CD33: variants seen among roughly 807,000 people sequenced by gnomAD.
CD33 encodes myeloid cell surface antigen CD33.
In CD33, 25 loss-of-function variants were observed where a neutral mutation model predicts 31.4. That is an observed-to-expected ratio of 0.80 (90% CI 0.58 to 1.11). The LOEUF is 1.11. CD33 is among the 50% of genes most tolerant of loss of function. CD33 has a pLI of 0.00. For synonymous variants in CD33, 176 were observed against 180.6 expected (o/e 0.97, Z 0.20); for missense variants, 407 against 448.1 (o/e 0.91, Z 0.83).
upstream of CD33, among the ~76,000 whole-genome samples, chr19:51,224,534 T>G (rs527550623): frequency 1.6e-3 from 239 of 152,314 alleles, no homozygotes; most frequent in Middle Eastern, 0.014. Flanking sequence ...AAAGAGGCAG[T>G]GTTTCTCCGA....
At chr19:51,228,809 C>G (rs1981214158) in intron 4 of CD33, among the ~76,000 whole-genome samples, 2 of 152,180 alleles carry the variant, frequency 1.3e-5, no homozygotes, top group Admixed American at 6.5e-5. Context: ...CATGAGCCAC[C>G]ACGCCTGGCC....
upstream of CD33, among the ~76,000 whole-genome samples, chr19:51,224,416 C>A (rs1980841326): frequency 6.6e-6 from 1 of 152,138 alleles, no homozygotes; most frequent in South Asian, 2.1e-4. Flanking sequence ...TCCCTCTGTG[C>A]CCGAGCTGTC....
intron 4 of CD33, among the ~76,000 whole-genome samples, chr19:51,233,995 G>A (rs931723847): frequency 1.3e-5 from 2 of 152,222 alleles, no homozygotes; most frequent in African/African-American, 4.8e-5. Context: ...GGGAGGATGA[G>A]CTCCAGGCAC....
chr19:51,227,475 G>A (rs542639215), intron 4 of CD33, among the ~76,000 whole-genome samples: 4 of 152,218 alleles, frequency 2.6e-5, no homozygotes, highest in East Asian at 1.9e-4. Flanking sequence ...GATTGGTGAC[G>A]TTGAGCATTT....
the CD33 span, among the ~76,000 whole-genome samples, chr19:51,217,307 G>T: frequency 6.6e-6 from 1 of 152,196 alleles, no homozygotes; most frequent in Non-Finnish European, 1.5e-5. Flanking sequence ...TATAGTCATT[G>T]AGGGGAAGGG....
At chr19:51,218,338 C>A in the CD33 span, among the ~76,000 whole-genome samples, 1 of 152,070 alleles carries the variant, frequency 6.6e-6, no homozygotes, top group Non-Finnish European at 1.5e-5. Context: ...TTGAAAACTG[C>A]CTATTCATGT....
At chr19:51,218,899 C>A in the CD33 span, among the ~76,000 whole-genome samples, 1 of 152,088 alleles carries the variant, frequency 6.6e-6, no homozygotes, top group African/African-American at 2.4e-5. Flanking sequence ...ATTTTTATAC[C>A]AGTACCATGC....
chr19:51,237,683 A>C (rs1241592883), intron 6 of CD33: 1 of 152,260 alleles, frequency 6.6e-6, no homozygotes, highest in Non-Finnish European at 1.5e-5. Flanking sequence ...GGTAGGTAGG[A>C]AATGAGGTTG....
upstream of CD33, among the ~76,000 whole-genome samples, chr19:51,220,522 A>G (rs749857086): frequency 2.0e-5 from 3 of 152,164 alleles, no homozygotes; most frequent in Admixed American, 6.5e-5. Flanking sequence ...CCTTCTGTGT[A>G]TATCACATCT....
the CD33 span, among the ~76,000 whole-genome samples, chr19:51,216,461 G>A: frequency 6.6e-6 from 1 of 152,124 alleles, no homozygotes; most frequent in African/African-American, 2.4e-5. Flanking sequence ...TGTAATCCCA[G>A]CACTTTGGGA....
Position 51,239,609 on chromosome 19 carries a change from A to G in CD33, c.1016A>G (p.His339Arg), listed in dbSNP as rs374286140. 34 of 1,613,762 alleles carry G rather than the reference A, an allele frequency of 2.1e-5. 1 individual carries two copies. Among genetic ancestry groups the G allele is most frequent in the South Asian group, 1.4e-4 (13 of 91,026 alleles). The part of the protein sequence containing the change: ...APTVEMDEEL[H>R]YASLNFHGMN... ...ACTGTGGAGATGGATGAGGAGCTGC[A>G]TTATGCTTCCCTCAACTTTCATGGG... is the stretch of plus-strand genomic sequence containing the variant. The change falls in exon 7 of 7, where the codon CAT becomes CGT. Residue 339 changes from histidine to arginine, a missense_variant. By Grantham distance (29) the His-to-Arg change is conservative. Transcript: ENST00000262262.
intron 4 of CD33, among the ~76,000 whole-genome samples, chr19:51,226,705 A>G (rs2123201950): frequency 6.6e-6 from 1 of 152,256 alleles, no homozygotes; most frequent in Middle Eastern, 3.4e-3. Flanking sequence ...TTGAACATTT[A>G]TTATTTCATT....
rs768235447 is a variant in CD33, at chr19:51,235,154, C to T, written c.746-3C>T. 8.7e-6 allele frequency: 14 copies of T among 1,612,216 alleles called. No homozygotes were observed. In the African/African-American group the frequency reaches 1.7e-4, roughly 20 times the overall value. ...ATTCACCCCAAATCTTTTTTGTCTG[C>T]AGGGAAACAAGAGACCAGAGCAGGA... is the stretch of plus-strand genomic sequence containing the variant. On this transcript the variant is annotated splice_region_variant and splice_polypyrimidine_tract_variant and intron_variant, in intron 4 of 6. Coordinates refer to ENST00000262262, the MANE Select transcript of CD33 (RefSeq NM_001772.4).
chr19:51,235,649 C>A lies in CD33; in HGVS notation c.897C>A (p.Thr299=). 1 of 1,613,854 alleles carries A rather than the reference C, an allele frequency of 6.2e-7. No individual in the cohort carries two copies. Among genetic ancestry groups the A allele is most frequent in the South Asian group, 1.1e-5 (1 of 90,994 alleles). Residue 299 remains threonine (T), a synonymous_variant, in exon 6 of 7, where the codon ACC becomes ACA. Coordinates refer to ENST00000262262, the MANE Select transcript of CD33 (RefSeq NM_001772.4). The part of the protein sequence containing the change: ...AARTAVGRND[T]HPTTGSASPK... ...GGACAGCAGTGGGCAGGAATGACACCCACCCTACCACAGGGTCAGCCTCCC... is the reference window on the plus strand; with the variant it reads ...GGACAGCAGTGGGCAGGAATGACACACACCCTACCACAGGGTCAGCCTCCC...
the CD33 span, among the ~76,000 whole-genome samples, chr19:51,218,644 T>C: frequency 6.6e-6 from 1 of 152,236 alleles, no homozygotes; most frequent in African/African-American, 2.4e-5. Flanking sequence ...TCTTCAGTAT[T>C]TCTATAGTTT....
chr19:51,239,618 C>T lies in CD33; in HGVS notation c.1025C>T (p.Ser342Phe), dbSNP rs2123338653. Reference sequence around the variant, plus strand: ...ATGGATGAGGAGCTGCATTATGCTTCCCTCAACTTTCATGGGATGAATCCT... The same window carrying T: ...ATGGATGAGGAGCTGCATTATGCTTTCCTCAACTTTCATGGGATGAATCCT... ...VEMDEELHYA[S>F]LNFHGMNPSK... is the part of the protein sequence containing the mutation. The change falls in exon 7 of 7, where the codon TCC becomes TTC. Residue 342 changes from serine (S) to phenylalanine (F), a missense_variant. Physicochemically the swap from Ser to Phe is radical, Grantham distance 155. Transcript: ENST00000262262. 2 of 1,613,848 alleles carry T rather than the reference C, an allele frequency of 1.2e-6. No individual in the cohort carries two copies. Among genetic ancestry groups the T allele is most frequent in the Non-Finnish European group, 1.7e-6 (2 of 1,179,916 alleles).
chr19:51,230,986 G>A (rs1055770508), intron 4 of CD33, among the ~76,000 whole-genome samples: 1 of 152,168 alleles, frequency 6.6e-6, no homozygotes, highest in African/African-American at 2.4e-5. Context: ...AAAGAATCCA[G>A]GGCTCTGGGC....
chr19:51,213,042 C>T, the CD33 span, among the ~76,000 whole-genome samples: 5 of 152,178 alleles, frequency 3.3e-5, no homozygotes, highest in African/African-American at 9.7e-5. Context: ...GGACCTGTTC[C>T]TAAACGCAAA....
chr19:51,236,112 A>G, intron 6 of CD33: 1 of 450,122 alleles, frequency 2.2e-6, no homozygotes, highest in African/African-American at 2.0e-5. Context: ...GAGCCGACAT[A>G]GCACCACTGC....
Sources: allele counts gnomAD v4.1 joint callset (sites outside exome capture counted in the v4.1 genomes callset), GRCh38; gene constraint gnomAD v4.1.1; transcripts MANE v1.5; gene names NCBI Gene and HGNC (gene_info 2026-07-23, HGNC 2026-07-21).